CPVL: variants seen among roughly 807,000 people sequenced by gnomAD.
The protein encoded by CPVL is carboxypeptidase vitellogenic like, also known as probable serine carboxypeptidase CPVL.
A neutral mutation model predicts 63.7 loss-of-function variants in CPVL; 51 were observed. The ratio of observed to expected loss-of-function variants is 0.80; its 90% CI spans 0.64 to 1.01. CPVL has a LOEUF of 1.01. Among genes scored for constraint, CPVL ranks in the 50% least tolerant of loss-of-function variants. The probability of loss-of-function intolerance (pLI) is 0.00; values close to 1 mark genes in which losing one functional copy is unlikely to be tolerated. For synonymous variants in CPVL, 195 were observed against 206.0 expected (o/e 0.95, Z 0.46); for missense variants, 530 against 573.1 (o/e 0.92, Z 0.77).
intron 1 of CPVL, chr7:29,145,899 C>T (rs967282834): frequency 2.0e-5 from 3 of 152,196 alleles, no homozygotes; most frequent in African/African-American, 7.2e-5. Context: ...TCTGCTAATC[C>T]TACATTCCAA....
chr7:29,048,391 A>G (rs1405776152), intron 11 of CPVL, among the ~76,000 whole-genome samples: 1 of 152,230 alleles, frequency 6.6e-6, no homozygotes, highest in African/African-American at 2.4e-5. Flanking sequence ...AGAGACACCA[A>G]AAGTGAGCAG....
chr7:29,110,904 C>T (rs1052297235), intron 3 of CPVL, among the ~76,000 whole-genome samples: 15 of 152,188 alleles, frequency 9.9e-5, no homozygotes, highest in Non-Finnish European at 2.2e-4. Context: ...GTGAGAAGGA[C>T]TCAGGCTGCC....
chr7:29,178,878 G>T (rs1456209355), intron 5 of CPVL, among the ~76,000 whole-genome samples: 3 of 152,130 alleles, frequency 2.0e-5, no homozygotes, highest in Admixed American at 1.3e-4. Flanking sequence ...ACCAATCAAA[G>T]GTTAACTACT....
chr7:29,118,270 A>AT (rs1160139166), intron 2 of CPVL, among the ~76,000 whole-genome samples: 3 of 152,270 alleles, frequency 2.0e-5, no homozygotes, highest in Non-Finnish European at 2.9e-5. Context: ...GAATTTGGTT[A>AT]TAACAATTAC....
intron 4 of CPVL, chr7:29,181,532 A>T (rs749724902): frequency 4.6e-5 from 7 of 152,256 alleles, no homozygotes; most frequent in Non-Finnish European, 8.8e-5. Context: ...GAGGAATAAC[A>T]ACATGAATTA....
chr7:29,084,883 T>G (rs575533986), intron 7 of CPVL, among the ~76,000 whole-genome samples: 99 of 152,196 alleles, frequency 6.5e-4, no homozygotes, highest in African/African-American at 2.3e-3. Flanking sequence ...ATGGTACACA[T>G]GTAGTAATTC....
chr7:29,107,527 C>T (rs771042288), intron 3 of CPVL, among the ~76,000 whole-genome samples: 13 of 152,188 alleles, frequency 8.5e-5, no homozygotes, highest in Admixed American at 2.6e-4. Flanking sequence ...GTTATACAGC[C>T]GGGAATCGCA....
chr7:29,151,933 C>A (rs1010018321), intron 5 of CPVL, among the ~76,000 whole-genome samples: 1 of 152,222 alleles, frequency 6.6e-6, no homozygotes, highest in Non-Finnish European at 1.5e-5. Flanking sequence ...AAAGGACAAA[C>A]AGATAGTAAA....
chr7:29,005,724 C>A (rs919385650), intron 12 of CPVL, among the ~76,000 whole-genome samples: 2 of 152,142 alleles, frequency 1.3e-5, no homozygotes, highest in African/African-American at 4.8e-5. Context: ...TGTCTTTTTC[C>A]CCTTTTAGGA....
chr7:29,164,387 A>C (rs1464915621), intron 5 of CPVL, among the ~76,000 whole-genome samples: 1 of 152,198 alleles, frequency 6.6e-6, no homozygotes. Flanking sequence ...TATAAAATGC[A>C]AACCCTTCAT....
At chr7:29,182,715 T>A (rs902736397) in intron 4 of CPVL, among the ~76,000 whole-genome samples, 10 of 152,252 alleles carry the variant, frequency 6.6e-5, no homozygotes, top group African/African-American at 2.4e-4. Flanking sequence ...AAAGATTTAA[T>A]GTCAAAAGAG....
intron 11 of CPVL, among the ~76,000 whole-genome samples, chr7:29,052,360 G>T (rs1330307876): frequency 6.8e-6 from 1 of 147,828 alleles, no homozygotes; most frequent in Non-Finnish European, 1.5e-5. Context: ...TGAATACTTG[G>T]ATGTTTTCCA....
intron 7 of CPVL, among the ~76,000 whole-genome samples, chr7:29,085,043 TG>T: frequency 6.6e-6 from 1 of 152,210 alleles, no homozygotes. Flanking sequence ...ATTAGAATTA[TG>T]GGTATCAGTA....
chr7:29,185,882 T>C (rs2128748521), intron 2 of CPVL, among the ~76,000 whole-genome samples: 1 of 152,234 alleles, frequency 6.6e-6, no homozygotes, highest in East Asian at 1.9e-4. Flanking sequence ...TGCACAGCCC[T>C]GTCCTATGTG....
chr7:29,134,553 T>TA (rs1791004399), intron 1 of CPVL, among the ~76,000 whole-genome samples: 1 of 152,132 alleles, frequency 6.6e-6, no homozygotes, highest in African/African-American at 2.4e-5. Flanking sequence ...TTTAAGGAGA[T>TA]AAGAGAAGAT....
intron 5 of CPVL, among the ~76,000 whole-genome samples, chr7:29,164,779 CAAA>C (rs55742522): frequency 9.3e-5 from 8 of 85,876 alleles, no homozygotes; most frequent in Admixed American, 1.4e-4. Context: ...AGACCTGTCT[CAAA>C]AAAAAAAAAA....
At position 29,105,510 on chromosome 7, in the gene CPVL, G is replaced by A. The variant is rs777112903; in HGVS notation, c.288+7194C>T. On this transcript the variant is annotated intron_variant, in intron 3 of 12. Coordinates refer to ENST00000265394, the MANE Select transcript of CPVL (RefSeq NM_031311.5). ...AGAAAGACTGACTGCCTTTCCTCCC[G>A]AGGCTTTTCTATTACTCGTTCCTTA... Among the ~76,000 whole-genome samples the A allele has an allele frequency of 8.5e-5, 13 of 152,230 alleles. No homozygotes were observed. In the East Asian group the frequency reaches 1.2e-3, roughly 14 times the overall value.
chr7:29,050,172 G>C (rs910783367), intron 11 of CPVL, among the ~76,000 whole-genome samples: 3 of 152,114 alleles, frequency 2.0e-5, no homozygotes, highest in African/African-American at 7.2e-5. Context: ...ACAAGAGAAA[G>C]AAATAAAGGG....
intron 9 of CPVL, 66 bp downstream of exon 9, chr7:29,071,707 T>TCGCCCCC: frequency 1.2e-6 from 1 of 867,446 alleles, no homozygotes; most frequent in Non-Finnish European, 1.8e-6. Flanking sequence ...GTGTTCCTGC[T>TCGCCCCC]CACCCGCCCT....
Sources: gnomAD v4.1 joint callset for allele counts (sites outside exome capture counted in the v4.1 genomes callset) on GRCh38, gnomAD v4.1.1 for gene constraint, MANE v1.5 for transcripts, NCBI Gene and HGNC (gene_info 2026-07-23, HGNC 2026-07-21) for gene names.